Variants in SYNGR1 observed in about 807,000 individuals in gnomAD.
SYNGR1 encodes the protein synaptogyrin 1.
SYNGR1 carries 14 observed loss-of-function variants against 26.1 expected under a neutral mutation model. The ratio of observed to expected loss-of-function variants is 0.54; its 90% CI spans 0.35 to 0.84. SYNGR1 has a LOEUF of 0.84. Among genes scored for constraint, SYNGR1 ranks in the 40% least tolerant of loss-of-function variants. SYNGR1 has a pLI of 0.01. For synonymous variants in SYNGR1, 141 were observed against 150.1 expected (o/e 0.94, Z 0.44); for missense variants, 319 against 332.9 (o/e 0.96, Z 0.33).
intron 1 of SYNGR1, among the ~76,000 whole-genome samples, chr22:39,356,387 T>A (rs117998464): frequency 6.6e-6 from 1 of 152,174 alleles, no homozygotes; most frequent in Admixed American, 6.5e-5. Flanking sequence ...GCCGTAAGTC[T>A]GCTGTGGTGC....
intron 1 of SYNGR1, among the ~76,000 whole-genome samples, chr22:39,361,006 G>A (rs1004615694): frequency 7.2e-5 from 11 of 152,198 alleles, no homozygotes; most frequent in Admixed American, 5.2e-4. Context: ...CTGATCGGTC[G>A]TCCTTCTAGC....
At position 39,384,475 on chromosome 22, in the gene SYNGR1, C is replaced by T; in HGVS notation, c.*2561C>T. On this transcript the variant is annotated 3_prime_UTR_variant, in exon 4 of 4. Coordinates refer to ENST00000328933, the MANE Select transcript of SYNGR1 (RefSeq NM_004711.5). ...GCATGATCTTCCCCATCAGGCTGGGCTCTGGCAGGGACCTGCCCAGGATGG... is the reference window on the plus strand; with the variant it reads ...GCATGATCTTCCCCATCAGGCTGGGTTCTGGCAGGGACCTGCCCAGGATGG... The T allele has an allele frequency of 5.0e-6, 2 of 398,778 alleles. No homozygotes were observed. The highest frequency in any genetic ancestry group is 6.3e-4 in the Middle Eastern group (1 of 1,590). The allele number at this position is 398,778 out of a possible 1,614,324, so 24.7% of individuals were successfully genotyped here.
chr22:39,370,601 A>G (rs1924973029), intron 1 of SYNGR1, among the ~76,000 whole-genome samples: 1 of 149,864 alleles, frequency 6.7e-6, no homozygotes, highest in South Asian at 2.1e-4. Flanking sequence ...AACACACAAC[A>G]TCCTAACCCA....
At chr22:39,362,011 T>G in intron 1 of SYNGR1, among the ~76,000 whole-genome samples, 1 of 106,748 alleles carries the variant, frequency 9.4e-6, no homozygotes, top group Non-Finnish European at 1.8e-5. Flanking sequence ...TCCTCCTTTC[T>G]CTCCTTTTTT....
intron 1 of SYNGR1, chr22:39,364,077 C>T: frequency 1.3e-6 from 2 of 1,560,086 alleles, no homozygotes; most frequent in South Asian, 2.3e-5. Flanking sequence ...GTCCTAGGCA[C>T]ACCCTGGGTG....
At position 39,376,100 on chromosome 22, in the gene SYNGR1, A is replaced by G. The variant is rs779753004; in HGVS notation, c.386A>G (p.Gln129Arg). 1 of 1,614,128 alleles carries G rather than the reference A, an allele frequency of 6.2e-7. No homozygotes were observed. The highest frequency in any genetic ancestry group is 1.1e-5 in the South Asian group (1 of 91,084). The change falls in exon 3 of 4, where the codon CAG becomes CGG. Residue 129 changes from glutamine (Q) to arginine (R), a missense_variant. Gln to Arg is a conservative substitution (Grantham distance 43, BLOSUM62 1). Coordinates refer to ENST00000328933, the MANE Select transcript of SYNGR1 (RefSeq NM_004711.5). ...WFVGFCYLAN[Q>R]WQVSKPKDNP... is the part of the protein sequence containing the mutation. ...GTGGGATTCTGCTACCTGGCCAACC[A>G]GTGGCAGGTCTCCAAGCCCAAGGAC...
chr22:39,369,087 C>T (rs551768101), intron 1 of SYNGR1, among the ~76,000 whole-genome samples: 1 of 152,316 alleles, frequency 6.6e-6, no homozygotes, highest in African/African-American at 2.4e-5. Flanking sequence ...CTGTATGATT[C>T]CTCAGTGTCT....
Position 39,376,159 on chromosome 22 carries a change from G to T in SYNGR1, c.445G>T (p.Ala149Ser). The change falls in exon 3 of 4, where the codon GCC becomes TCC. Residue 149 changes from alanine to serine, a missense_variant. Ala to Ser is a moderately conservative substitution (Grantham distance 99). Coordinates refer to ENST00000328933, the MANE Select transcript of SYNGR1 (RefSeq NM_004711.5). ...PLNEGTDAAR[A>S]AIAFSFFSIF... is the part of the protein sequence containing the mutation. Reference sequence around the variant, plus strand: ...GAACGAAGGGACGGACGCAGCCCGGGCCGCCATCGCCTTCTCCTTTTTCTC... The same window carrying T: ...GAACGAAGGGACGGACGCAGCCCGGTCCGCCATCGCCTTCTCCTTTTTCTC... 6.2e-7 allele frequency: 1 copy of T among 1,614,188 alleles called. No homozygotes were observed. Among genetic ancestry groups the T allele is most frequent in the Non-Finnish European group, 8.5e-7 (1 of 1,180,042 alleles).
intron 1 of SYNGR1, among the ~76,000 whole-genome samples, chr22:39,353,940 T>C (rs941315803): frequency 6.6e-6 from 1 of 152,202 alleles, no homozygotes; most frequent in Non-Finnish European, 1.5e-5. Context: ...CTTGGCTCAC[T>C]GCAACCTCTG....
chr22:39,381,804 C>T lies in SYNGR1; in HGVS notation c.592C>T (p.Pro198Ser). 6.5e-7 allele frequency: 1 copy of T among 1,538,048 alleles called. No individual in the cohort carries two copies. Among genetic ancestry groups the T allele is most frequent in the South Asian group, 1.1e-5 (1 of 87,968 alleles). ...PSQDSSMPYA[P>S]YVEPTGPDPA... ...CCAGGACTCCAGCATGCCTTACGCG[C>T]CCTACGTGGAGCCCACTGGGCCGGA... is the stretch of plus-strand genomic sequence containing the variant. The change falls in exon 4 of 4, where the codon CCC (proline) becomes TCC (serine). Residue 198 changes from proline to serine, a missense_variant. By Grantham distance (74) the Pro-to-Ser change is moderately conservative (BLOSUM62 -1). Coordinates refer to ENST00000328933, the MANE Select transcript of SYNGR1 (RefSeq NM_004711.5).
Position 39,384,068 on chromosome 22 carries a change from C to T in SYNGR1, c.*2154C>T, listed in dbSNP as rs1043013542. 6.5e-6 allele frequency: 1 copy of T among 154,168 alleles called. No individual in the cohort carries two copies. The highest frequency in any genetic ancestry group is 2.4e-5 in the African/African-American group (1 of 41,518). 9.6% of individuals were successfully genotyped at this position (154,168 alleles called of 1,614,324 possible). A position where few individuals can be genotyped will look rare whatever the true frequency, so the allele number is the denominator to read the frequency against. ...TTATCTGTTGGCCTGAAGAGTGAAA[C>T]CTGTACCAGGCCAAAGGTGAGGGCG... is the stretch of plus-strand genomic sequence containing the variant. On this transcript the variant is annotated 3_prime_UTR_variant, in exon 4 of 4. Coordinates refer to ENST00000328933, the MANE Select transcript of SYNGR1 (RefSeq NM_004711.5).
intron 3 of SYNGR1, 31 bp downstream of exon 3, chr22:39,376,228 C>T (rs998648980): frequency 6.2e-6 from 10 of 1,613,686 alleles, no homozygotes; most frequent in African/African-American, 2.7e-5. Context: ...CCAGCCCACA[C>T]TCGTCCCCTT....
intron 1 of SYNGR1, among the ~76,000 whole-genome samples, chr22:39,355,344 G>A (rs553381111): frequency 3.7e-4 from 57 of 152,368 alleles, no homozygotes; most frequent in African/African-American, 1.3e-3. Flanking sequence ...TCCCAGTACC[G>A]GGCACAGCCC....
Position 39,367,223 on chromosome 22 carries a change from T to C in SYNGR1, c.100-7093T>C, listed in dbSNP as rs571982113. Among the ~76,000 whole-genome samples the C allele has an allele frequency of 8.5e-5, 13 of 152,324 alleles. No individual in the cohort carries two copies. In the South Asian group the frequency reaches 1.0e-3, roughly 12 times the overall value. On this transcript the variant is annotated intron_variant, in intron 1 of 3. Coordinates refer to ENST00000328933, the MANE Select transcript of SYNGR1 (RefSeq NM_004711.5). ...CAGCCTCTTGCACAGGGCTGGTACATACTAGGTGCTCAGGAAATGTTGAGT... is the reference window on the plus strand; with the variant it reads ...CAGCCTCTTGCACAGGGCTGGTACACACTAGGTGCTCAGGAAATGTTGAGT...
At chr22:39,359,503 G>A (rs1015665673) in intron 1 of SYNGR1, among the ~76,000 whole-genome samples, 1 of 151,418 alleles carries the variant, frequency 6.6e-6, no homozygotes, top group Non-Finnish European at 1.5e-5. Flanking sequence ...TGGTGGCGGG[G>A]GCCTGTAGTC....
chr22:39,370,891 G>A (rs1236037293), intron 1 of SYNGR1, among the ~76,000 whole-genome samples: 1 of 152,014 alleles, frequency 6.6e-6, no homozygotes. Flanking sequence ...AAAGTGCTGG[G>A]ATTACAGGCA....
intron 3 of SYNGR1, chr22:39,377,190 C>A (rs898756655): frequency 6.9e-7 from 1 of 1,446,050 alleles, no homozygotes; most frequent in East Asian, 2.5e-5. Flanking sequence ...TGGTTTGCCC[C>A]GGGTTGACGT....
intron 1 of SYNGR1, among the ~76,000 whole-genome samples, chr22:39,352,049 G>A (rs570543426): frequency 3.9e-5 from 6 of 152,344 alleles, no homozygotes; most frequent in African/African-American, 9.6e-5. Flanking sequence ...GCGGCTCAGC[G>A]AGCGAGGCCA....
Position 39,374,425 on chromosome 22 carries a change from A to G in SYNGR1, c.209A>G (p.Tyr70Cys), listed in dbSNP as rs753637119. The part of the protein sequence containing the change: ...IYNRNPNACS[Y>C]GVAVGVLAFL... ...AACCGCAACCCCAACGCCTGCAGCT[A>G]TGGCGTGGCCGTGGGCGTGCTCGCC... Residue 70 changes from tyrosine to cysteine, a missense_variant, in exon 2 of 4, where the codon TAT becomes TGT. Physicochemically the swap from Tyr to Cys is radical, Grantham distance 194 (BLOSUM62 -2). Coordinates refer to ENST00000328933, the MANE Select transcript of SYNGR1 (RefSeq NM_004711.5). 8.7e-6 allele frequency: 14 copies of G among 1,613,894 alleles called. No homozygotes were observed. The Admixed American group carries it at 1.0e-4, about 12-fold the overall frequency.
Sources: allele counts gnomAD v4.1 joint callset (sites outside exome capture counted in the v4.1 genomes callset), GRCh38; gene constraint gnomAD v4.1.1; transcripts MANE v1.5; gene names NCBI Gene and HGNC (gene_info 2026-07-23, HGNC 2026-07-21).